Variants in COL3A1 observed in about 807,000 individuals in gnomAD.
COL3A1 encodes collagen alpha-1(III) chain.
Under a neutral mutation model 200.9 loss-of-function variants are expected in COL3A1, and 46 were observed. The observed-to-expected ratio is 0.23, with a 90% CI of 0.18 to 0.29. The LOEUF (loss-of-function observed/expected upper bound fraction) is 0.29. COL3A1 is among the 10% of genes least tolerant of loss of function. The pLI, the probability that COL3A1 is intolerant of heterozygous loss-of-function variation, is 1.00. For synonymous variants in COL3A1, 650 were observed against 628.0 expected, an observed-to-expected ratio of 1.03 and a Z score of -0.52; for missense variants, 1,367 against 1,917.6, an observed-to-expected ratio of 0.71 and a Z score of 5.36.
chr2:188,997,725 C>A lies in COL3A1; in HGVS notation c.1895C>A (p.Thr632Lys), dbSNP rs769039976. The A allele has an allele frequency of 1.5e-5, 24 of 1,613,918 alleles. No homozygotes were observed. The highest frequency in any genetic ancestry group is 1.9e-5 in the Non-Finnish European group (22 of 1,179,844). Reference protein sequence around the residue: ...PTGPGGDKGDTGPPGPQGLQG... With the variant: ...PTGPGGDKGDKGPPGPQGLQG... ...GGGCCTGGTGGTGACAAAGGAGACA[C>A]AGGACCCCCTGGTCCACAAGGATTA... is the stretch of plus-strand genomic sequence containing the variant. Residue 632 changes from threonine (T) to lysine (K), a missense_variant, in exon 27 of 51, where the codon ACA (threonine) becomes AAA (lysine). Around this residue, in one of 5 missense-constraint regions of COL3A1, gnomAD observed 846 missense variants for 1,147.9 expected, o/e 0.74. Coordinates refer to ENST00000304636, the MANE Select transcript of COL3A1 (RefSeq NM_000090.4).
In COL3A1 at chr2:189,012,024, TAATA is replaced by T; in HGVS notation, c.*257_*260del. The stretch of plus-strand genomic sequence containing the variant: ...ATTTCAAAATGTCTCAATGGTGCTA[TAATA>T]AATAAACTTCAACACTCTTTATGAT... On this transcript the variant is annotated 3_prime_UTR_variant, in exon 51 of 51. Transcript: ENST00000304636. 7.9e-6 allele frequency: 4 copies of T among 508,964 alleles called. No individual in the cohort carries two copies. Among genetic ancestry groups the T allele is most frequent in the South Asian group, 4.2e-5 (2 of 47,656 alleles). 31.5% of individuals were successfully genotyped at this position (508,964 alleles called of 1,614,324 possible).
At position 189,003,759 on chromosome 2, in the gene COL3A1, G is replaced by T. The variant is rs1419949637; in HGVS notation, c.2633G>T (p.Arg878Leu). The stretch of plus-strand genomic sequence containing the variant: ...GGTGCTGCTGGCTTCCCTGGTGCTC[G>T]TGGTCTTCCTGGTCCTCCTGGTAGT... ...GPGAAGFPGA[R>L]GLPGPPGSNG... Residue 878 changes from arginine (R) to leucine (L), a missense_variant, in exon 38 of 51, where the codon CGT (arginine) becomes CTT (leucine). Coordinates refer to ENST00000304636, the MANE Select transcript of COL3A1 (RefSeq NM_000090.4). The T allele has an allele frequency of 6.2e-7, 1 of 1,613,796 alleles. No individual in the cohort carries two copies. Among genetic ancestry groups the T allele is most frequent in the Non-Finnish European group, 8.5e-7 (1 of 1,179,950 alleles).
At chr2:189,007,080 T>A in intron 44 of COL3A1, 90 bp downstream of exon 44, 1 of 645,534 alleles carries the variant, frequency 1.5e-6, no homozygotes, top group East Asian at 5.4e-5. Context: ...TCCAGCGTGT[T>A]CAGGAAAAAA....
intron 14 of COL3A1, 140 bp from the exon 15 acceptor site, chr2:188,992,747 A>G: frequency 1.3e-6 from 1 of 763,746 alleles, no homozygotes; most frequent in Non-Finnish European, 2.3e-6. Context: ...TTGTTTCTCT[A>G]CATAATATCC....
chr2:189,003,938 C>T (rs768488663), intron 38 of COL3A1, 44 bp from the exon 39 acceptor site: 1 of 1,567,004 alleles, frequency 6.4e-7, no homozygotes, highest in Non-Finnish European at 8.7e-7. Flanking sequence ...AGAAAAAATG[C>T]ACTTTTTATT....
intron 4 of COL3A1, among the ~76,000 whole-genome samples, chr2:188,986,691 G>A (rs930970955): frequency 6.6e-6 from 1 of 151,960 alleles, no homozygotes; most frequent in African/African-American, 2.4e-5. Flanking sequence ...AAAATGAGAA[G>A]GTGTATTATA....
chr2:188,999,984 ACTC>A, intron 32 of COL3A1, 89 bp downstream of exon 32: 1 of 1,317,720 alleles, frequency 7.6e-7, no homozygotes, highest in Non-Finnish European at 1.1e-6. Flanking sequence ...TCCAAAAACT[ACTC>A]AAGAGAAATT....
At chr2:188,992,271 AG>A in intron 14 of COL3A1, 43 bp downstream of exon 14, 1 of 1,565,758 alleles carries the variant, frequency 6.4e-7, no homozygotes, top group Non-Finnish European at 8.8e-7. Context: ...GGTAATGAGA[AG>A]TTATGGATTG....
chr2:189,008,429 G>A (rs1688645442), intron 47 of COL3A1: 1 of 470,500 alleles, frequency 2.1e-6, no homozygotes, highest in South Asian at 2.1e-5. Flanking sequence ...TATCCCACTA[G>A]AGATCTCAGA....
chr2:188,974,840 T>C (rs945360196), intron 1 of COL3A1, among the ~76,000 whole-genome samples: 2 of 152,214 alleles, frequency 1.3e-5, no homozygotes, highest in African/African-American at 2.4e-5. Flanking sequence ...CTTTTAAAAA[T>C]GGCTTTAAAA....
Position 188,985,729 on chromosome 2 carries a change from G to T in COL3A1, c.398G>T (p.Gly133Val). The stretch of plus-strand genomic sequence containing the variant: ...ATTCCAGGACAACCAGGGTCCCCTG[G>T]TTCTCCTGGCCCCCCTGGAATCTGT... ...PGIPGQPGSP[G>V]SPGPPGICES... is the part of the protein sequence containing the mutation. Residue 133 changes from glycine (G) to valine (V), a missense_variant, in exon 4 of 51, where the codon GGT becomes GTT. Transcript: ENST00000304636. 6.2e-7 allele frequency: 1 copy of T among 1,611,792 alleles called. No homozygotes were observed. Among genetic ancestry groups the T allele is most frequent in the Non-Finnish European group, 8.5e-7 (1 of 1,178,920 alleles).
intron 3 of COL3A1, 42 bp from the exon 4 acceptor site, chr2:188,985,623 C>T: frequency 7.8e-7 from 1 of 1,279,718 alleles, no homozygotes; most frequent in Non-Finnish European, 1.1e-6. Flanking sequence ...TGTGAATCAC[C>T]AGGATTTTTC....
Position 188,974,414 on chromosome 2 carries a change from C to G in COL3A1, c.-76C>G, listed in dbSNP as rs1356412104. The G allele has an allele frequency of 8.9e-7, 1 of 1,125,554 alleles. No individual in the cohort carries two copies. The highest frequency in any genetic ancestry group is 1.3e-6 in the Non-Finnish European group (1 of 748,492). 69.7% of individuals were successfully genotyped at this position (1,125,554 alleles called of 1,614,324 possible). On this transcript the variant is annotated 5_prime_UTR_variant, in exon 1 of 51. Transcript: ENST00000304636. ...GGGCCCGGTGCTGAAGGGCAGGGAA[C>G]AACTTGATGGTGCTACTTTGAACTG... is the stretch of plus-strand genomic sequence containing the variant.
intron 16 of COL3A1, among the ~76,000 whole-genome samples, chr2:188,993,786 G>C (rs1052950573): frequency 6.6e-6 from 1 of 152,070 alleles, no homozygotes; most frequent in Non-Finnish European, 1.5e-5. Flanking sequence ...ATTCAGAGAA[G>C]AACCAAATTC....
chr2:188,977,429 C>A (rs1188421468), intron 1 of COL3A1, among the ~76,000 whole-genome samples: 2 of 151,896 alleles, frequency 1.3e-5, no homozygotes, highest in Non-Finnish European at 2.9e-5. Flanking sequence ...ATATTTTTTT[C>A]ATTATGCTTT....
intron 23 of COL3A1, 89 bp from the exon 24 acceptor site, chr2:188,996,305 TACAC>T (rs141685938): frequency 3.5e-4 from 221 of 634,070 alleles, no homozygotes; most frequent in African/African-American, 2.3e-3. Flanking sequence ...TCTATATATA[TACAC>T]ACACACACAC....
At position 188,995,731 on chromosome 2, in the gene COL3A1, C is replaced by A; in HGVS notation, c.1549C>A (p.Pro517Thr). The change falls in exon 22 of 51, where the codon CCC becomes ACC. Residue 517 changes from proline to threonine, a missense_variant. By Grantham distance (38) the Pro-to-Thr change is conservative (BLOSUM62 -1). Coordinates refer to ENST00000304636, the MANE Select transcript of COL3A1 (RefSeq NM_000090.4). ...GCGTGGTGCTCCAGGCCCTGCAGGGCCCAGAGGAGCTGCTGGAGAACCTGG... is the reference window on the plus strand; with the variant it reads ...GCGTGGTGCTCCAGGCCCTGCAGGGACCAGAGGAGCTGCTGGAGAACCTGG... The part of the protein sequence containing the change: ...GERGAPGPAG[P>T]RGAAGEPGRD... The A allele has an allele frequency of 6.4e-7, 1 of 1,565,480 alleles. No individual in the cohort carries two copies.
chr2:188,996,188 T>G lies in COL3A1; in HGVS notation c.1662+10T>G. ...GAAACCAGGGCCTCCCGTATGTACA[T>G]TTTTAAAATCTCATTTTAAAAGGCC... On this transcript the variant is annotated intron_variant, in intron 23 of 50. Transcript: ENST00000304636. 1 of 1,612,408 alleles carries G rather than the reference T, an allele frequency of 6.2e-7. No homozygotes were observed. Among genetic ancestry groups the G allele is most frequent in the South Asian group, 1.1e-5 (1 of 90,980 alleles).
At chr2:188,985,432 A>G (rs1488359215) in intron 3 of COL3A1, among the ~76,000 whole-genome samples, 185 bp downstream of exon 3, 2 of 152,008 alleles carry the variant, frequency 1.3e-5, no homozygotes, top group East Asian at 3.9e-4. Flanking sequence ...CCCAAACTTC[A>G]TATTATGTCT....
Sources: allele counts gnomAD v4.1 joint callset (sites outside exome capture counted in the v4.1 genomes callset), GRCh38; gene constraint gnomAD v4.1.1; regional missense constraint gnomAD v4.1.1; transcripts MANE v1.5; gene names NCBI Gene and HGNC (gene_info 2026-07-23, HGNC 2026-07-21).